The following XPO5 variants were observed in gnomAD, a reference collection of about 807,000 sequenced individuals.
XPO5 encodes exportin-5.
In XPO5, 46 loss-of-function variants were observed where a neutral mutation model predicts 160.6. The observed-to-expected ratio is 0.29, with a 90% CI of 0.23 to 0.37. The LOEUF (loss-of-function observed/expected upper bound fraction) is 0.37. XPO5 is among the 10% of genes least tolerant of loss of function. The pLI is 1.00. For synonymous variants in XPO5, 537 were observed against 519.3 expected, an observed-to-expected ratio of 1.03 and a Z score of -0.46; for missense variants, 1,090 against 1,463.9, an observed-to-expected ratio of 0.74 and a Z score of 4.17.
intron 7 of XPO5, among the ~76,000 whole-genome samples, chr6:43,566,381 G>A (rs777290282): frequency 1.1e-4 from 16 of 150,854 alleles, no homozygotes; most frequent in African/African-American, 2.9e-4. Context: ...ACAACAGAAC[G>A]AGACTCCATC....
chr6:43,536,147 A>C (rs1469601698), intron 20 of XPO5, among the ~76,000 whole-genome samples: 1 of 138,600 alleles, frequency 7.2e-6, no homozygotes, highest in Non-Finnish European at 1.6e-5. Context: ...AGGCACAGTG[A>C]CTCATGCCTG....
intron 3 of XPO5, 39 bp downstream of exon 3, chr6:43,572,467 C>T: frequency 3.1e-6 from 5 of 1,607,750 alleles, no homozygotes; most frequent in Middle Eastern, 1.7e-4. Flanking sequence ...TTTGCCTAAA[C>T]TACCTTGGAA....
chr6:43,537,395 TA>T (rs1400172732), intron 20 of XPO5, among the ~76,000 whole-genome samples: 1 of 152,188 alleles, frequency 6.6e-6, no homozygotes, highest in African/African-American at 2.4e-5. Context: ...GATTATCTGC[TA>T]AAAAACTGAA....
intron 31 of XPO5, 83 bp from the exon 32 acceptor site, chr6:43,524,088 C>G (rs561345033): frequency 1.3e-6 from 2 of 1,528,602 alleles, no homozygotes; most frequent in Admixed American, 4.0e-5. Context: ...CAGTGGCTCG[C>G]GCCTGTAATC....
intron 23 of XPO5, chr6:43,529,143 T>C: frequency 7.7e-7 from 1 of 1,300,246 alleles, no homozygotes; most frequent in African/African-American, 1.5e-5. Flanking sequence ...TGCATTTCCG[T>C]CAGGCTGCAC....
chr6:43,544,496 CCT>C (rs753517347), intron 20 of XPO5, among the ~76,000 whole-genome samples: 3 of 152,080 alleles, frequency 2.0e-5, no homozygotes, highest in Non-Finnish European at 2.9e-5. Flanking sequence ...AGAAATGAAC[CCT>C]GTTTCCACGT....
intron 17 of XPO5, 45 bp from the exon 18 acceptor site, chr6:43,548,505 T>G: frequency 6.9e-7 from 1 of 1,443,078 alleles, no homozygotes; most frequent in Non-Finnish European, 9.2e-7. Context: ...AAAGGTCTGA[T>G]TTTCAAGGAG....
chr6:43,539,771 T>C (rs1298644512), intron 20 of XPO5: 1 of 587,288 alleles, frequency 1.7e-6, no homozygotes, highest in Non-Finnish European at 3.0e-6. Flanking sequence ...AGAGATAAAT[T>C]ATCTGTTCCT....
intron 14 of XPO5, among the ~76,000 whole-genome samples, chr6:43,552,447 G>T (rs1425432384): frequency 1.3e-5 from 2 of 152,162 alleles, no homozygotes; most frequent in Admixed American, 6.5e-5. Flanking sequence ...CTGCCTCCTG[G>T]GTTCAAGCGA....
At chr6:43,554,184 G>A (rs537433545) in intron 13 of XPO5, among the ~76,000 whole-genome samples, 3 of 152,260 alleles carry the variant, frequency 2.0e-5, no homozygotes, top group South Asian at 4.1e-4. Context: ...TCGGCTCACT[G>A]CAACATTAGC....
intron 20 of XPO5, among the ~76,000 whole-genome samples, chr6:43,537,013 C>CTGGA (rs1433421372): frequency 6.6e-6 from 1 of 152,134 alleles, no homozygotes; most frequent in Non-Finnish European, 1.5e-5. Flanking sequence ...ACTGCCCAGG[C>CTGGA]TGGATTGCAG....
chr6:43,548,779 T>C (rs77848896), intron 17 of XPO5, among the ~76,000 whole-genome samples: 2 of 151,336 alleles, frequency 1.3e-5, no homozygotes, highest in African/African-American at 4.8e-5. Context: ...TGCTGTGCAT[T>C]CAGAGAAGAA....
intron 20 of XPO5, among the ~76,000 whole-genome samples, chr6:43,545,123 T>G (rs1307133326): frequency 6.6e-6 from 1 of 152,030 alleles, no homozygotes; most frequent in African/African-American, 2.4e-5. Context: ...TTGACCCACC[T>G]TGGCCTCCCA....
In XPO5 at chr6:43,567,100, C is replaced by A. The variant is rs187034879; in HGVS notation, c.834+69G>T. On this transcript the variant is annotated intron_variant, in intron 7 of 31. Coordinates refer to ENST00000265351, the MANE Select transcript of XPO5 (RefSeq NM_020750.3). ...ACCTTTAAATGACTTTCTGCCACAA[C>A]ATGCAATTAAACACATACACAGCCT... 196 of 1,453,770 alleles carry A rather than the reference C, an allele frequency of 1.3e-4. 3 individuals are homozygous for A. The highest frequency in any genetic ancestry group is 1.1e-3 in the Middle Eastern group (6 of 5,420). The allele number at this position is 1,453,770 out of a possible 1,614,324, so 90.1% of individuals were successfully genotyped here.
intron 19 of XPO5, 174 bp downstream of exon 19, chr6:43,547,434 A>G: frequency 1.4e-6 from 1 of 697,458 alleles, no homozygotes; most frequent in Non-Finnish European, 2.6e-6. Flanking sequence ...TGCTGTGGGA[A>G]CTAACTCAAG....
At position 43,573,823 on chromosome 6, in the gene XPO5, ATT is replaced by A. The variant is rs111408497; in HGVS notation, c.106-224_106-223del. 6.5e-3 allele frequency among the ~76,000 whole-genome samples: 824 copies of A among 126,028 alleles called. 7 individuals carry two copies. The highest frequency in any genetic ancestry group is 0.024 in the African/African-American group (726 of 30,544). The allele number at this position is 126,028 out of a possible 152,430, so 82.7% of individuals were successfully genotyped here. ...CTATTAAATATATATATATATATAT[ATT>A]TTTTTTTTTTTTTTTTGAGACGGAG... On this transcript the variant is annotated intron_variant, in intron 1 of 31. Coordinates refer to ENST00000265351, the MANE Select transcript of XPO5 (RefSeq NM_020750.3).
At position 43,555,889 on chromosome 6, in the gene XPO5, C is replaced by G. The variant is rs200605932; in HGVS notation, c.1388G>C (p.Gly463Ala). The part of the protein sequence containing the change: ...LDPKTSFQMA[G>A]EWLKYQLSTF... ...TGATAGTTGATACTTTAGCCACTCCCCAGCCATCTGGAAGCTAGTTTTGGG... is the reference window on the plus strand; with the variant it reads ...TGATAGTTGATACTTTAGCCACTCCGCAGCCATCTGGAAGCTAGTTTTGGG... Residue 463 changes from glycine to alanine, a missense_variant, in exon 13 of 32, where the codon GGG becomes GCG. Physicochemically the swap from Gly to Ala is moderately conservative, Grantham distance 60. Transcript: ENST00000265351. 3.0e-4 allele frequency: 484 copies of G among 1,613,974 alleles called. No individual in the cohort carries two copies. The African/African-American group carries it at 5.4e-3, about 18-fold the overall frequency.
Position 43,530,677 on chromosome 6 carries a change from T to A in XPO5, c.2677+11A>T. 1 of 1,611,216 alleles carries A rather than the reference T, an allele frequency of 6.2e-7. No homozygotes were observed. The highest frequency in any genetic ancestry group is 2.2e-5 in the East Asian group (1 of 44,866). On this transcript the variant is annotated intron_variant, in intron 23 of 31. Coordinates refer to ENST00000265351, the MANE Select transcript of XPO5 (RefSeq NM_020750.3). ...ACCTTTTGGGTTATGTAGAGACTTTTGAAAGGATATGAAGCATGGGTCTGA... is the reference window on the plus strand; with the variant it reads ...ACCTTTTGGGTTATGTAGAGACTTTAGAAAGGATATGAAGCATGGGTCTGA...
rs1794576676 is a variant in XPO5 at position 43,539,649 on chromosome 6, T to C, written c.2343-5642A>G. 8 of 1,278,762 alleles carry C rather than the reference T, an allele frequency of 6.3e-6. No individual in the cohort carries two copies. In the Admixed American group the frequency reaches 7.9e-5, roughly 13 times the overall value. 79.2% of individuals were successfully genotyped at this position (1,278,762 alleles called of 1,614,324 possible). A position where few individuals can be genotyped will look rare whatever the true frequency, so the allele number is the denominator to read the frequency against. ...CTGCGGAAGCCACCGCGGTTCCCCA[T>C]CCCAGGGCCACCAGGGCCTCCAGGC... On this transcript the variant is annotated intron_variant, in intron 20 of 31. Transcript: ENST00000265351.
Sources: allele counts gnomAD v4.1 joint callset (sites outside exome capture counted in the v4.1 genomes callset), GRCh38; gene constraint gnomAD v4.1.1; transcripts MANE v1.5; gene names NCBI Gene and HGNC (gene_info 2026-07-23, HGNC 2026-07-21).